Variants in HS6ST1 observed in about 807,000 individuals in gnomAD.
The protein encoded by HS6ST1 is heparan-sulfate 6-O-sulfotransferase 1.
A neutral mutation model predicts 25.2 loss-of-function variants in HS6ST1; 3 were observed. The observed-to-expected ratio is 0.12, with a 90% confidence interval of 0.05 to 0.31. The LOEUF (loss-of-function observed/expected upper bound fraction) is 0.31. Ranked by LOEUF, HS6ST1 falls within the 10% of genes least tolerant of loss-of-function variation. The pLI, the probability that HS6ST1 is intolerant of heterozygous loss-of-function variation, is 1.00. For missense variants in HS6ST1, 310 were observed against 609.6 expected (o/e 0.51, Z 5.18); for synonymous variants, 204 against 275.1 (o/e 0.74, Z 2.56).
chr2:128,300,349 C>T (rs1279757698), intron 1 of HS6ST1, among the ~76,000 whole-genome samples: 2 of 152,120 alleles, frequency 1.3e-5, no homozygotes, highest in African/African-American at 4.8e-5. Flanking sequence ...GAGGGGGGGA[C>T]CACCCACCCT....
chr2:128,295,584 C>G (rs923724048), intron 1 of HS6ST1, among the ~76,000 whole-genome samples: 6 of 152,232 alleles, frequency 3.9e-5, no homozygotes, highest in Non-Finnish European at 4.4e-5. Context: ...AAATTACACA[C>G]TGATGTCCTT....
chr2:128,286,829 G>A (rs1430157431), intron 1 of HS6ST1, among the ~76,000 whole-genome samples: 1 of 152,208 alleles, frequency 6.6e-6, no homozygotes, highest in African/African-American at 2.4e-5. Flanking sequence ...TGCTGGCCAC[G>A]ATACGCCTTG....
At chr2:128,309,700 T>C (rs935598371) in intron 1 of HS6ST1, among the ~76,000 whole-genome samples, 1 of 152,262 alleles carries the variant, frequency 6.6e-6, no homozygotes, top group Non-Finnish European at 1.5e-5. Context: ...TAAATAATCC[T>C]AGGCAGCTGT....
intron 1 of HS6ST1, among the ~76,000 whole-genome samples, chr2:128,290,836 A>AAAG: frequency 6.6e-6 from 1 of 151,222 alleles, no homozygotes; most frequent in South Asian, 2.1e-4. Flanking sequence ...AAAAAAAAAA[A>AAAG]AAAAAAAAAT....
chr2:128,297,953 A>G (rs1466912783), intron 1 of HS6ST1, among the ~76,000 whole-genome samples: 2 of 152,224 alleles, frequency 1.3e-5, no homozygotes, highest in Non-Finnish European at 2.9e-5. Flanking sequence ...CTGATAAGAG[A>G]TTAATATCCA....
chr2:128,302,316 G>A lies in HS6ST1; in HGVS notation c.527+15721C>T, dbSNP rs1329824863. 3.9e-5 allele frequency among the ~76,000 whole-genome samples: 6 copies of A among 152,318 alleles called. No individual in the cohort carries two copies. In the East Asian group the frequency reaches 1.2e-3, roughly 29 times the overall value. On this transcript the variant is annotated intron_variant, in intron 1 of 1. Transcript: ENST00000259241. ...ATGGGTCAGGCTGAGCTGGAGCTGTGCAGCCAAGGCTGGCGTGCATGTGTG... is the reference window on the plus strand; with the variant it reads ...ATGGGTCAGGCTGAGCTGGAGCTGTACAGCCAAGGCTGGCGTGCATGTGTG...
intron 1 of HS6ST1, among the ~76,000 whole-genome samples, chr2:128,308,977 T>A (rs771147817): frequency 3.3e-5 from 5 of 152,228 alleles, no homozygotes; most frequent in Non-Finnish European, 5.9e-5. Flanking sequence ...TAATTCCAAC[T>A]GTCTACCTCC....
intron 1 of HS6ST1, among the ~76,000 whole-genome samples, chr2:128,278,879 G>A (rs1453286939): frequency 6.6e-6 from 1 of 152,146 alleles, no homozygotes; most frequent in African/African-American, 2.4e-5. Context: ...GGAGTTGAGA[G>A]TTCGGTGAAA....
intron 1 of HS6ST1, among the ~76,000 whole-genome samples, chr2:128,305,562 G>A (rs944078378): frequency 2.0e-5 from 3 of 152,234 alleles, no homozygotes; most frequent in Non-Finnish European, 4.4e-5. Context: ...GCAAGGGTTG[G>A]AGCCCGGCTG....
At chr2:128,304,166 T>A (rs567827906) in intron 1 of HS6ST1, among the ~76,000 whole-genome samples, 19 of 152,260 alleles carry the variant, frequency 1.2e-4, no homozygotes, top group African/African-American at 4.1e-4. Flanking sequence ...CATCTTAGTC[T>A]CCCTAATTGC....
chr2:128,279,753 G>A (rs1456968112), intron 1 of HS6ST1, among the ~76,000 whole-genome samples: 1 of 152,208 alleles, frequency 6.6e-6, no homozygotes, highest in African/African-American at 2.4e-5. Context: ...CTGTGATTGT[G>A]CGACTGCACT....
intron 1 of HS6ST1, among the ~76,000 whole-genome samples, chr2:128,274,963 CAAAAA>C (rs56898137): frequency 1.8e-4 from 9 of 51,216 alleles, no homozygotes; most frequent in African/African-American, 5.3e-4. Context: ...GACTCCGTCT[CAAAAA>C]AAAAAAAAAA....
rs118062971 is a variant in HS6ST1 at position 128,289,053 on chromosome 2, C to T, written c.528-20183G>A. On this transcript the variant is annotated intron_variant, in intron 1 of 1. Transcript: ENST00000259241. ...CACAGAGGCGGCCGCGGAGAGATGG[C>T]CTTGCATGCTCTTGAATGTAGACTA... 3.6e-3 allele frequency among the ~76,000 whole-genome samples: 545 copies of T among 152,278 alleles called. 20 individuals are homozygous for T. In the East Asian group the frequency reaches 0.087, roughly 24 times the overall value.
rs543761703 is a variant in HS6ST1, at chr2:128,295,615, T to C, written c.527+22422A>G. Among the ~76,000 whole-genome samples the C allele has an allele frequency of 6.6e-5, 10 of 152,320 alleles. No homozygotes were observed. The South Asian group carries it at 2.1e-3, about 32-fold the overall frequency. On this transcript the variant is annotated intron_variant, in intron 1 of 1. Coordinates refer to ENST00000259241, the MANE Select transcript of HS6ST1 (RefSeq NM_004807.3). ...TCCTTTATAAATACTGATGAAAATA[T>C]CCTCAGCAAAATACTTGCAAATTGA...
At chr2:128,270,100 G>C (rs562738800) in intron 1 of HS6ST1, among the ~76,000 whole-genome samples, 1 of 152,312 alleles carries the variant, frequency 6.6e-6, no homozygotes, top group East Asian at 1.9e-4. Context: ...GAAGCAGGCG[G>C]GGTAGCCAGT....
Position 128,318,821 on chromosome 2 carries a change from G to A in HS6ST1, c.-258C>T, listed in dbSNP as rs201924659. Among the ~76,000 whole-genome samples, 110 of 147,134 alleles carry A rather than the reference G, an allele frequency of 7.5e-4. 1 individual carries two copies. In the East Asian group the frequency reaches 0.019, roughly 25 times the overall value. On this transcript the variant is annotated 5_prime_UTR_variant, in exon 1 of 2. Transcript: ENST00000259241. This position sits in a 1 kb window ranked among gnomAD's most constrained non-coding sequence, Gnocchi z 5.7. The stretch of plus-strand genomic sequence containing the variant: ...CCCCGGCCAGCACAGCGCTCTCCGC[G>A]CCCCCAGCACCAGCCCGCTCCGCTC...
At chr2:128,312,282 C>T (rs1007381199) in intron 1 of HS6ST1, among the ~76,000 whole-genome samples, 1 of 152,236 alleles carries the variant, frequency 6.6e-6, no homozygotes, top group African/African-American at 2.4e-5. Flanking sequence ...CCTGGCCCTC[C>T]AGGCTGAGGG....
intron 1 of HS6ST1, among the ~76,000 whole-genome samples, chr2:128,292,829 C>T (rs1332615666): frequency 6.6e-6 from 1 of 152,024 alleles, no homozygotes; most frequent in Non-Finnish European, 1.5e-5. Context: ...GTGCTATCAG[C>T]TGACGGGCTC....
At chr2:128,285,557 G>A (rs1393501287) in intron 1 of HS6ST1, among the ~76,000 whole-genome samples, 1 of 151,980 alleles carries the variant, frequency 6.6e-6, no homozygotes, top group African/African-American at 2.4e-5. Context: ...GCACTGTGCA[G>A]GGAAGGTTCT....
Sources: gnomAD v4.1 joint callset for allele counts (sites outside exome capture counted in the v4.1 genomes callset) on GRCh38, gnomAD v4.1.1 for gene constraint, Gnocchi (gnomAD v3.1) non-coding constraint, MANE v1.5 for transcripts, NCBI Gene and HGNC (gene_info 2026-07-23, HGNC 2026-07-21) for gene names.